GLIS3: variants seen among roughly 807,000 people sequenced by gnomAD.
GLIS3 encodes GLIS family zinc finger 3.
GLIS3 carries 53 observed loss-of-function variants against 78.6 expected under a neutral mutation model. That is an observed-to-expected ratio of 0.67 (90% confidence interval 0.54 to 0.85). GLIS3 has a LOEUF of 0.85. Ranked by LOEUF, GLIS3 falls within the 40% of genes least tolerant of loss-of-function variation. The pLI is 0.00. For synonymous variants in GLIS3, 684 were observed against 509.9 expected, an observed-to-expected ratio of 1.34 and a Z score of -4.60; for missense variants, 1,703 against 1,231.1, an observed-to-expected ratio of 1.38 and a Z score of -5.74.
intron 2 of GLIS3, among the ~76,000 whole-genome samples, chr9:4,205,109 C>T (rs531624568): frequency 3.2e-4 from 46 of 145,854 alleles, no homozygotes; most frequent in Middle Eastern, 7.3e-3. Context: ...CCAGGAGGTG[C>T]AGAATGCAGT....
the GLIS3 span, among the ~76,000 whole-genome samples, chr9:4,430,419 G>A: frequency 6.6e-6 from 1 of 152,208 alleles, no homozygotes; most frequent in Non-Finnish European, 1.5e-5. Flanking sequence ...AGACAAATAG[G>A]AGATCAGCAG....
chr9:4,420,659 G>A, the GLIS3 span, among the ~76,000 whole-genome samples: 1 of 152,134 alleles, frequency 6.6e-6, no homozygotes, highest in Non-Finnish European at 1.5e-5. Flanking sequence ...AACAGCCGCT[G>A]ATCTCTTTTG....
intron 1 of GLIS3, among the ~76,000 whole-genome samples, chr9:4,294,709 G>C (rs528702275): frequency 1.3e-5 from 2 of 151,720 alleles, no homozygotes; most frequent in African/African-American, 4.8e-5. Flanking sequence ...TTAAGTTTTG[G>C]GGTCATAGCT....
chr9:4,002,528 A>G (rs1158675281), intron 4 of GLIS3, among the ~76,000 whole-genome samples: 1 of 152,188 alleles, frequency 6.6e-6, no homozygotes, highest in Non-Finnish European at 1.5e-5. Context: ...ATTTGAAACT[A>G]TCTTCATGCC....
the GLIS3 span, among the ~76,000 whole-genome samples, chr9:4,460,939 G>A: frequency 6.6e-6 from 1 of 152,150 alleles, no homozygotes; most frequent in African/African-American, 2.4e-5. Context: ...ATACTAAAAT[G>A]AGTCCTATTT....
At chr9:4,268,918 C>A (rs541157177) in intron 2 of GLIS3, among the ~76,000 whole-genome samples, 1 of 152,326 alleles carries the variant, frequency 6.6e-6, no homozygotes, top group African/African-American at 2.4e-5. Context: ...CTACTATCTA[C>A]ACATTTCCTC....
intron 7 of GLIS3, among the ~76,000 whole-genome samples, chr9:3,891,835 C>T (rs1822476108): frequency 6.6e-6 from 1 of 152,162 alleles, no homozygotes; most frequent in South Asian, 2.1e-4. Context: ...GTAGCTGATG[C>T]ATCGCATCTT....
chr9:4,054,721 A>T (rs1271040068), intron 4 of GLIS3, among the ~76,000 whole-genome samples: 1 of 152,130 alleles, frequency 6.6e-6, no homozygotes, highest in Non-Finnish European at 1.5e-5. Context: ...AAACTAGAAC[A>T]TTTTGAATCC....
At chr9:4,088,829 A>G (rs1350561001) in intron 4 of GLIS3, among the ~76,000 whole-genome samples, 2 of 152,234 alleles carry the variant, frequency 1.3e-5, no homozygotes, top group Admixed American at 6.5e-5. Flanking sequence ...GCCAAAATGG[A>G]TATTTCTTTT....
At chr9:4,107,777 T>A (rs917442316) in intron 4 of GLIS3, among the ~76,000 whole-genome samples, 2 of 150,838 alleles carry the variant, frequency 1.3e-5, no homozygotes, top group Non-Finnish European at 3.0e-5. Flanking sequence ...ATGGCTGGCA[T>A]CATTTTCTGA....
the GLIS3 span, among the ~76,000 whole-genome samples, chr9:4,441,833 G>C: frequency 6.6e-6 from 1 of 152,070 alleles, no homozygotes. Flanking sequence ...CTAGAATCCT[G>C]GGCTCAAGTG....
chr9:4,342,444 C>G (rs545194653), intron 2 of GLIS3, among the ~76,000 whole-genome samples: 28 of 152,236 alleles, frequency 1.8e-4, no homozygotes, highest in African/African-American at 6.5e-4. Context: ...TATTCTGTTC[C>G]ATTGGTCTAT....
chr9:4,427,106 A>G, the GLIS3 span, among the ~76,000 whole-genome samples: 2 of 152,340 alleles, frequency 1.3e-5, no homozygotes, highest in Non-Finnish European at 2.9e-5. Context: ...GTTTTATCTA[A>G]GAACTTCAGA....
intron 8 of GLIS3, among the ~76,000 whole-genome samples, chr9:3,860,410 C>A (rs1820126316): frequency 6.6e-6 from 1 of 152,080 alleles, no homozygotes; most frequent in East Asian, 1.9e-4. Flanking sequence ...CACTCTCCTT[C>A]CCTTCTATGC....
chr9:4,444,491 G>A, the GLIS3 span, among the ~76,000 whole-genome samples: 19 of 152,116 alleles, frequency 1.2e-4, no homozygotes, highest in African/African-American at 3.1e-4. Context: ...TGTCCTATGC[G>A]AATCATTAAG....
chr9:4,055,071 G>T (rs951375652), intron 4 of GLIS3, among the ~76,000 whole-genome samples: 2 of 152,110 alleles, frequency 1.3e-5, no homozygotes, highest in Admixed American at 1.3e-4. Flanking sequence ...TTGTCCAGTG[G>T]GTAAGGGGAG....
At chr9:4,352,050 A>C (rs1345093991), upstream of GLIS3, among the ~76,000 whole-genome samples, 2 of 152,228 alleles carry the variant, frequency 1.3e-5, no homozygotes, top group African/African-American at 4.8e-5. Context: ...TCATGAAGTA[A>C]ACTTCAGCGT....
intron 10 of GLIS3, 75 bp downstream of exon 10, chr9:3,829,235 G>A: frequency 3.1e-6 from 4 of 1,301,612 alleles, no homozygotes; most frequent in Non-Finnish European, 3.3e-6. Context: ...GTCCAGCCCA[G>A]GTCGGTCACG....
intron 4 of GLIS3, among the ~76,000 whole-genome samples, chr9:4,051,507 CTA>C (rs1207850112): frequency 1.3e-5 from 2 of 152,054 alleles, no homozygotes; most frequent in African/African-American, 4.8e-5. Context: ...CTCCTAATAA[CTA>C]TGTGGATCAG....
Sources: gnomAD v4.1 joint callset for allele counts (sites outside exome capture counted in the v4.1 genomes callset) on GRCh38, gnomAD v4.1.1 for gene constraint, MANE v1.5 for transcripts, NCBI Gene and HGNC (gene_info 2026-07-23, HGNC 2026-07-21) for gene names.